HIVEP3: variants seen among roughly 807,000 people sequenced by gnomAD.
HIVEP3 encodes the protein transcription factor HIVEP3.
In HIVEP3, 49 loss-of-function variants were observed where a neutral mutation model predicts 152.8. That is an observed-to-expected ratio of 0.32 (90% CI 0.26 to 0.41). HIVEP3 has a LOEUF of 0.41. HIVEP3 is among the 10% of genes least tolerant of loss of function. HIVEP3 has a pLI of 1.00. For missense variants in HIVEP3, 2,790 were observed against 3,103.3 expected (o/e 0.90, Z 2.40); for synonymous variants, 1,269 against 1,289.0 (o/e 0.98, Z 0.33).
chr1:41,865,045 C>A (rs1258094367), intron 1 of HIVEP3, among the ~76,000 whole-genome samples: 1 of 152,214 alleles, frequency 6.6e-6, no homozygotes, highest in Non-Finnish European at 1.5e-5. Context: ...TCATAAAGTA[C>A]ACAAACCATC....
intron 5 of HIVEP3, among the ~76,000 whole-genome samples, chr1:41,525,445 T>C (rs181982635): frequency 2.3e-3 from 352 of 152,182 alleles, no homozygotes; most frequent in Admixed American, 5.0e-3. Flanking sequence ...CAAGATCCCA[T>C]AGCCAGAAGG....
At chr1:41,832,800 C>T (rs949462297) in intron 1 of HIVEP3, among the ~76,000 whole-genome samples, 1 of 152,224 alleles carries the variant, frequency 6.6e-6, no homozygotes, top group Non-Finnish European at 1.5e-5. Flanking sequence ...CTAATACACC[C>T]TCAAACTACT....
chr1:41,974,018 T>C (rs1645245419), intron 1 of HIVEP3, among the ~76,000 whole-genome samples: 1 of 152,062 alleles, frequency 6.6e-6, no homozygotes, highest in South Asian at 2.1e-4. Flanking sequence ...AAAACTAGTG[T>C]CTTCAAAGAA....
rs1008305575 is a variant in HIVEP3 at position 41,918,053 on chromosome 1, A to T, written c.-801+360T>A. 2.0e-5 allele frequency among the ~76,000 whole-genome samples: 3 copies of T among 152,210 alleles called. No individual in the cohort carries two copies. The highest frequency in any genetic ancestry group is 2.9e-5 in the Non-Finnish European group (2 of 68,014). ...CCGCCAGTGCGCGGGTGCAGAGCCCAGCAGAGCCTGCTGCAAGCAGCGCTG... is the reference window on the plus strand; with the variant it reads ...CCGCCAGTGCGCGGGTGCAGAGCCCTGCAGAGCCTGCTGCAAGCAGCGCTG... On this transcript the variant is annotated intron_variant, in intron 1 of 8. Transcript: ENST00000372583. The surrounding 1 kb of genome is among the most constrained non-coding windows in gnomAD (Gnocchi z 4.3).
At chr1:41,789,331 C>T (rs1009461622) in intron 1 of HIVEP3, among the ~76,000 whole-genome samples, 1 of 152,164 alleles carries the variant, frequency 6.6e-6, no homozygotes, top group African/African-American at 2.4e-5. Flanking sequence ...AAAGCATCTG[C>T]CTCACAAAGT....
At chr1:41,530,105 C>T (rs1643200259) in intron 5 of HIVEP3, among the ~76,000 whole-genome samples, 1 of 152,120 alleles carries the variant, frequency 6.6e-6, no homozygotes, top group South Asian at 2.1e-4. Context: ...CAGGTGGACC[C>T]TGTTTTTTTG....
chr1:41,959,567 C>A (rs566696596), intron 1 of HIVEP3, among the ~76,000 whole-genome samples: 6 of 152,208 alleles, frequency 3.9e-5, no homozygotes, highest in Non-Finnish European at 7.3e-5. Flanking sequence ...AGTTAAGGGG[C>A]AAGCTTGGAC....
intron 3 of HIVEP3, among the ~76,000 whole-genome samples, chr1:41,593,615 C>T (rs995587776): frequency 1.3e-5 from 2 of 152,382 alleles, no homozygotes; most frequent in African/African-American, 2.4e-5. Context: ...CAGAAATTTA[C>T]ACTTCCGCCA....
intron 5 of HIVEP3, among the ~76,000 whole-genome samples, chr1:41,527,196 A>ACACACC (rs1642989820): frequency 4.2e-5 from 3 of 71,344 alleles, no homozygotes; most frequent in African/African-American, 6.0e-5. Context: ...CTTCACTCCC[A>ACACACC]CTCCCACACA....
At chr1:41,809,820 A>G (rs1650843875) in intron 1 of HIVEP3, among the ~76,000 whole-genome samples, 1 of 152,196 alleles carries the variant, frequency 6.6e-6, no homozygotes, top group Non-Finnish European at 1.5e-5. Context: ...CAGATGAAAG[A>G]AAAAGGGGAA....
At chr1:41,559,750 C>T (rs959957386) in intron 5 of HIVEP3, among the ~76,000 whole-genome samples, 1 of 152,206 alleles carries the variant, frequency 6.6e-6, no homozygotes, top group Non-Finnish European at 1.5e-5. Context: ...CCCTGGGCTA[C>T]AGTTTCCTTA....
chr1:42,033,144 T>C (rs574073907), intron 1 of HIVEP3, among the ~76,000 whole-genome samples: 2,152 of 152,160 alleles, frequency 0.014, 48 homozygotes, highest in African/African-American at 0.05. Flanking sequence ...AAGTTTCCTT[T>C]CAAGCCTGAC....
rs1238643018 is a variant in HIVEP3, at chr1:41,580,342, A to G, written c.4456T>C (p.Leu1486=). 2 of 1,614,168 alleles carry G rather than the reference A, an allele frequency of 1.2e-6. No homozygotes were observed. Among genetic ancestry groups the G allele is most frequent in the Admixed American group, 3.3e-5 (2 of 60,032 alleles). The change falls in exon 4 of 9, where the codon TTA becomes CTA. Residue 1486 remains leucine (L), a synonymous_variant. Transcript: ENST00000372583. ...CTCCTGCCTTGGCCCTGGTTGCCTA[A>G]GTGGGATTTCTCTGGCCTCTTCCCA... ...EDGKRPEKSH[L]GNQGQGRREL... is the part of the protein sequence containing the mutation.
In HIVEP3 at chr1:41,584,741, C is replaced by A. The variant is rs535829504; in HGVS notation, c.57G>T (p.Lys19Asn). The part of the protein sequence containing the change: ...GTKKAEGSPR[K>N]RLTKGEAIQT... The stretch of plus-strand genomic sequence containing the variant: ...GAATGGCCTCTCCTTTGGTCAGCCG[C>A]TTCCGGGGACTTCCCTCAGCCTTCT... Residue 19 changes from lysine to asparagine, a missense_variant, in exon 4 of 9, where the codon AAG becomes AAT. Physicochemically the swap from Lys to Asn is moderately conservative, Grantham distance 94. This residue lies in a region of HIVEP3 where 209 missense variants were observed against 237.0 expected (regional missense o/e 0.88). Coordinates refer to ENST00000372583, the MANE Select transcript of HIVEP3 (RefSeq NM_024503.5). This position sits in a 1 kb window ranked among gnomAD's most constrained non-coding sequence, Gnocchi z 5.2. The A allele has an allele frequency of 2.6e-6, 4 of 1,521,914 alleles. No homozygotes were observed. Among genetic ancestry groups the A allele is most frequent in the South Asian group, 2.7e-5 (2 of 75,132 alleles). The allele number at this position is 1,521,914 out of a possible 1,614,324, so 94.3% of individuals were successfully genotyped here.
chr1:41,968,544 T>C (rs1302225849), intron 1 of HIVEP3, among the ~76,000 whole-genome samples: 6 of 152,176 alleles, frequency 3.9e-5, no homozygotes, highest in Admixed American at 2.0e-4. Context: ...AACTAGGCAT[T>C]GAAGGAACAT....
At chr1:41,655,310 C>T (rs1368479599) in intron 2 of HIVEP3, among the ~76,000 whole-genome samples, 7 of 152,024 alleles carry the variant, frequency 4.6e-5, no homozygotes, top group African/African-American at 1.7e-4. Flanking sequence ...AGGCCGCGCG[C>T]GGTGGCTCAT....
intron 5 of HIVEP3, among the ~76,000 whole-genome samples, chr1:41,573,097 G>A (rs1002992744): frequency 6.6e-6 from 1 of 152,154 alleles, no homozygotes; most frequent in Admixed American, 6.5e-5. Flanking sequence ...CTCCATAGCA[G>A]ATCCTTCTCA....
intron 1 of HIVEP3, among the ~76,000 whole-genome samples, chr1:41,724,221 G>A (rs192054787): frequency 6.6e-6 from 1 of 152,284 alleles, no homozygotes; most frequent in Admixed American, 6.5e-5. Context: ...TAAACTCTAG[G>A]TTAAAAGTGT....
Position 41,527,229 on chromosome 1 carries a change from C to G in HIVEP3, c.5208-2319G>C, listed in dbSNP as rs1295586054. ...ACATGCTCACCCTCACACACTCACC[C>G]TCACACACTCACCTCACACACACAC... On this transcript the variant is annotated intron_variant, in intron 5 of 8. Coordinates refer to ENST00000372583, the MANE Select transcript of HIVEP3 (RefSeq NM_024503.5). 2.3e-5 allele frequency among the ~76,000 whole-genome samples: 3 copies of G among 130,294 alleles called. No homozygotes were observed. In the Admixed American group the frequency reaches 2.3e-4, roughly 10 times the overall value. The allele number at this position is 130,294 out of a possible 152,430, so 85.5% of individuals were successfully genotyped here. A position where few individuals can be genotyped will look rare whatever the true frequency, so the allele number is the denominator to read the frequency against.
Sources: gnomAD v4.1 joint callset for allele counts (sites outside exome capture counted in the v4.1 genomes callset) on GRCh38, gnomAD v4.1.1 for gene constraint, gnomAD v4.1.1 regional missense constraint, Gnocchi (gnomAD v3.1) non-coding constraint, MANE v1.5 for transcripts, NCBI Gene and HGNC (gene_info 2026-07-23, HGNC 2026-07-21) for gene names.